PPP1R9A: variants seen among roughly 807,000 people sequenced by gnomAD.
PPP1R9A encodes protein phosphatase 1 regulatory subunit 9A.
Under a neutral mutation model 141.9 loss-of-function variants are expected in PPP1R9A, and 59 were observed. The observed-to-expected ratio is 0.42, with a 90% CI of 0.34 to 0.52. PPP1R9A has a LOEUF of 0.52. Ranked by LOEUF, PPP1R9A falls within the 20% of genes least tolerant of loss-of-function variation. The pLI is 0.10. For missense variants in PPP1R9A, 1,444 were observed against 1,611.9 expected, an observed-to-expected ratio of 0.90 and a Z score of 1.78; for synonymous variants, 500 against 569.7, an observed-to-expected ratio of 0.88 and a Z score of 1.74.
intron 2 of PPP1R9A, among the ~76,000 whole-genome samples, chr7:94,957,951 T>G (rs2151094899): frequency 6.6e-6 from 1 of 152,240 alleles, no homozygotes; most frequent in South Asian, 2.1e-4. Context: ...AGCAGCTTTC[T>G]AATCTACTCA....
At chr7:94,962,768 G>A (rs750473433) in intron 2 of PPP1R9A, among the ~76,000 whole-genome samples, 1 of 152,086 alleles carries the variant, frequency 6.6e-6, no homozygotes, top group South Asian at 2.1e-4. Flanking sequence ...TTGGGAGTCT[G>A]AGTGACTACA....
intron 12 of PPP1R9A, among the ~76,000 whole-genome samples, chr7:95,256,579 A>G (rs1398869856): frequency 1.3e-5 from 2 of 152,138 alleles, no homozygotes; most frequent in East Asian, 3.8e-4. Flanking sequence ...TTAATATTTC[A>G]TCACTAAGTG....
At chr7:94,965,127 G>A (rs1041592268) in intron 2 of PPP1R9A, among the ~76,000 whole-genome samples, 3 of 151,498 alleles carry the variant, frequency 2.0e-5, no homozygotes, top group Non-Finnish European at 2.9e-5. Context: ...TTTGAAAAGT[G>A]TCTGTTCATA....
At chr7:95,137,415 C>CAAAAAAAAAAAAAAAA (rs33928009) in intron 4 of PPP1R9A, among the ~76,000 whole-genome samples, 86 of 91,484 alleles carry the variant, frequency 9.4e-4, no homozygotes, top group African/African-American at 3.4e-3. Flanking sequence ...GACATGAACT[C>CAAAAAAAAAAAAAAAA]AAAAAAAAAA....
intron 4 of PPP1R9A, among the ~76,000 whole-genome samples, chr7:95,144,557 A>C (rs901819358): frequency 6.6e-6 from 1 of 152,100 alleles, no homozygotes; most frequent in Non-Finnish European, 1.5e-5. Flanking sequence ...ATTTTTGAGG[A>C]ACCTCTATGT....
intron 2 of PPP1R9A, among the ~76,000 whole-genome samples, chr7:94,919,301 AT>A (rs757456894): frequency 0.024 from 2,541 of 106,028 alleles, 41 homozygotes; most frequent in East Asian, 0.11. Context: ...GGATAATTAC[AT>A]TTTTTTTTTT....
rs771571296 is a variant in PPP1R9A at position 94,929,736 on chromosome 7, GAGAT to G, written c.1395+18236_1395+18239del. 4.9e-4 allele frequency among the ~76,000 whole-genome samples: 75 copies of G among 152,186 alleles called. 1 individual carries two copies. The highest frequency in any genetic ancestry group is 6.5e-4 in the Admixed American group (10 of 15,276). On this transcript the variant is annotated intron_variant, in intron 2 of 19. Coordinates refer to ENST00000433360, the MANE Select transcript of PPP1R9A (RefSeq NM_001166160.2). ...TAGAAAACCACTCTAATAGAGAGTG[GAGAT>G]AGATAGAAAGGCTAGGTGTGGGGTG...
intron 7 of PPP1R9A, among the ~76,000 whole-genome samples, chr7:95,218,872 G>A (rs1378539157): frequency 6.6e-6 from 1 of 152,138 alleles, no homozygotes; most frequent in Admixed American, 6.5e-5. Context: ...CTCTGCACAT[G>A]AGATGGGTTT....
chr7:95,220,006 A>T (rs2152938930), intron 7 of PPP1R9A, among the ~76,000 whole-genome samples: 1 of 152,254 alleles, frequency 6.6e-6, no homozygotes, highest in South Asian at 2.1e-4. Context: ...TAACTCTTTC[A>T]TATCACTACA....
At chr7:95,109,313 T>A (rs1395660998) in intron 2 of PPP1R9A, among the ~76,000 whole-genome samples, 1 of 152,234 alleles carries the variant, frequency 6.6e-6, no homozygotes, top group Non-Finnish European at 1.5e-5. Flanking sequence ...ATGCTGCTTT[T>A]ATATCAGTTA....
chr7:95,195,483 A>G (rs1162210433), intron 5 of PPP1R9A, among the ~76,000 whole-genome samples: 1 of 147,442 alleles, frequency 6.8e-6, no homozygotes, highest in Non-Finnish European at 1.5e-5. Flanking sequence ...TCATTGTGTT[A>G]CTTAGGCTGA....
intron 2 of PPP1R9A, among the ~76,000 whole-genome samples, chr7:94,976,344 C>CTTTTT (rs11400551): frequency 7.3e-6 from 1 of 137,150 alleles, no homozygotes; most frequent in Admixed American, 7.4e-5. Context: ...ATGTTTTATT[C>CTTTTT]TTTTTTTTTT....
chr7:95,074,052 A>G (rs1428148100), intron 2 of PPP1R9A, among the ~76,000 whole-genome samples: 1 of 152,180 alleles, frequency 6.6e-6, no homozygotes, highest in Non-Finnish European at 1.5e-5. Context: ...CACGTTTACT[A>G]TGTGTGACAT....
At chr7:95,267,576 G>C (rs1478733174) in intron 12 of PPP1R9A, among the ~76,000 whole-genome samples, 1 of 151,916 alleles carries the variant, frequency 6.6e-6, no homozygotes, top group Non-Finnish European at 1.5e-5. Flanking sequence ...TTAAAATCTA[G>C]GTAGCAAAAT....
chr7:95,232,084 A>C (rs1796039403), intron 8 of PPP1R9A, among the ~76,000 whole-genome samples: 2 of 152,154 alleles, frequency 1.3e-5, no homozygotes, highest in Admixed American at 6.6e-5. Flanking sequence ...CAGAAATAGA[A>C]AAGATCATTC....
chr7:95,229,067 G>A (rs1477139086), intron 8 of PPP1R9A, among the ~76,000 whole-genome samples: 1 of 152,014 alleles, frequency 6.6e-6, no homozygotes, highest in Admixed American at 6.6e-5. Context: ...GGTTGCCACA[G>A]CACTCCAGCC....
chr7:94,927,402 G>C (rs1793617488), intron 2 of PPP1R9A, among the ~76,000 whole-genome samples: 1 of 152,132 alleles, frequency 6.6e-6, no homozygotes, highest in South Asian at 2.1e-4. Context: ...TATATTATTT[G>C]AATGAATTGA....
intron 7 of PPP1R9A, among the ~76,000 whole-genome samples, chr7:95,208,151 ATAAAT>A (rs1304164025): frequency 6.6e-6 from 1 of 152,214 alleles, no homozygotes; most frequent in African/African-American, 2.4e-5. Flanking sequence ...TTAAACTTTA[ATAAAT>A]TTATACTTTG....
chr7:95,234,336 A>G (rs1226285331), intron 8 of PPP1R9A, among the ~76,000 whole-genome samples: 2 of 152,222 alleles, frequency 1.3e-5, no homozygotes, highest in Non-Finnish European at 2.9e-5. Context: ...CAGTTTCAGG[A>G]TACAAAATTA....
Sources: allele counts gnomAD v4.1 joint callset (sites outside exome capture counted in the v4.1 genomes callset), GRCh38; gene constraint gnomAD v4.1.1; transcripts MANE v1.5; gene names NCBI Gene and HGNC (gene_info 2026-07-23, HGNC 2026-07-21).